ADCY9: variants seen among roughly 807,000 people sequenced by gnomAD.
ADCY9 encodes the protein adenylate cyclase 9.
A neutral mutation model predicts 101.5 loss-of-function variants in ADCY9; 50 were observed. The observed-to-expected ratio is 0.49, with a 90% CI of 0.39 to 0.62. ADCY9 has a LOEUF of 0.62. Ranked by LOEUF, ADCY9 falls within the 20% of genes least tolerant of loss-of-function variation. The probability of loss-of-function intolerance (pLI) is 0.00; values close to 1 mark genes in which losing one functional copy is unlikely to be tolerated. For missense variants in ADCY9, 1,662 were observed against 1,800.4 expected, an observed-to-expected ratio of 0.92 and a Z score of 1.39; for synonymous variants, 905 against 769.3, an observed-to-expected ratio of 1.18 and a Z score of -2.92.
In ADCY9 at chr16:3,975,404, T is replaced by C. The variant is rs145136509; in HGVS notation, c.2829-694A>G. 3.3e-5 allele frequency among the ~76,000 whole-genome samples: 5 copies of C among 152,312 alleles called. No individual in the cohort carries two copies. The East Asian group carries it at 9.6e-4, about 29-fold the overall frequency. ...TTAAATGTCTTTTGTATTGTGATTCTTTTCTTAAGTAAACTGAGGACGGAT... is the reference window on the plus strand; with the variant it reads ...TTAAATGTCTTTTGTATTGTGATTCCTTTCTTAAGTAAACTGAGGACGGAT... On this transcript the variant is annotated intron_variant, in intron 9 of 10. Transcript: ENST00000294016.
rs145252548 is a variant in ADCY9 at position 3,979,165 on chromosome 16, G to A, written c.2630C>T (p.Ala877Val). ...CIGAILVSLP[A>V]LAVYSHVTSE... ...GGTGACATGGGAGTAGACGGCCAGT[G>A]CGGGAAGCGACACCAGGATGGCCCC... Residue 877 changes from alanine to valine, a missense_variant, in exon 8 of 11, where the codon GCA (alanine) becomes GTA (valine). By Grantham distance (64) the Ala-to-Val change is moderately conservative. Around this residue, in one of 5 missense-constraint regions of ADCY9, gnomAD observed 624 missense variants for 639.1 expected, o/e 0.98. Coordinates refer to ENST00000294016, the MANE Select transcript of ADCY9 (RefSeq NM_001116.4). The A allele has an allele frequency of 5.6e-6, 9 of 1,614,098 alleles. No individual in the cohort carries two copies. The highest frequency in any genetic ancestry group is 7.6e-6 in the Non-Finnish European group (9 of 1,180,050).
chr16:4,071,913 C>G (rs12599912), intron 2 of ADCY9, among the ~76,000 whole-genome samples: 88,995 of 151,386 alleles, frequency 0.59, 26,373 homozygotes, highest in South Asian at 0.68. Flanking sequence ...CGGGTTCAAG[C>G]GATTCTCGCG....
chr16:4,102,911 G>A (rs527659439), intron 2 of ADCY9, among the ~76,000 whole-genome samples: 5 of 151,954 alleles, frequency 3.3e-5, no homozygotes, highest in East Asian at 1.9e-4. Flanking sequence ...TAGGAGAGAC[G>A]GAGCTTCACC....
chr16:3,955,607 G>A (rs1229785493), intron 5 of ADCY9, among the ~76,000 whole-genome samples: 4 of 151,952 alleles, frequency 2.6e-5, no homozygotes, highest in African/African-American at 4.8e-5. Flanking sequence ...GCAGTGGCGC[G>A]ATCTCAGGGC....
intron 2 of ADCY9, among the ~76,000 whole-genome samples, chr16:4,070,494 G>C (rs527910846): frequency 6.6e-6 from 1 of 152,242 alleles, no homozygotes; most frequent in African/African-American, 2.4e-5. Flanking sequence ...GTTATTTTTA[G>C]AAACCTGGAA....
In ADCY9 at chr16:3,993,203, C is replaced by T. The variant is rs141262128; in HGVS notation, c.1989+203G>A. ...AATCCCGCCCAGCTCAGCCCCTGAG[C>T]GCTGGTTTCCACGTGGGTTGCTGCT... is the stretch of plus-strand genomic sequence containing the variant. On this transcript the variant is annotated intron_variant, in intron 4 of 10. Transcript: ENST00000294016. 1,493 of 826,274 alleles carry T rather than the reference C, an allele frequency of 1.8e-3. 17 individuals carry two copies. The African/African-American group carries it at 0.022, about 12-fold the overall frequency. The allele number at this position is 826,274 out of a possible 1,614,324, so 51.2% of individuals were successfully genotyped here. A position where few individuals can be genotyped will look rare whatever the true frequency, so the allele number is the denominator to read the frequency against.
Position 4,115,529 on chromosome 16 carries a change from A to T in ADCY9, c.-43-44T>A, listed in dbSNP as rs1240676376. 2.1e-6 allele frequency: 3 copies of T among 1,426,886 alleles called. No individual in the cohort carries two copies. In the African/African-American group the frequency reaches 4.3e-5, roughly 21 times the overall value. The allele number at this position is 1,426,886 out of a possible 1,614,324, so 88.4% of individuals were successfully genotyped here. On this transcript the variant is annotated intron_variant, in intron 1 of 10. Transcript: ENST00000294016. The surrounding 1 kb of genome is among the most constrained non-coding windows in gnomAD (Gnocchi z 6.2). ...GAGTTAGCGGCGCTCCCACCTAGGCATGCACGCCTAGAGGCCCGGGACCTG... is the reference window on the plus strand; with the variant it reads ...GAGTTAGCGGCGCTCCCACCTAGGCTTGCACGCCTAGAGGCCCGGGACCTG...
Position 4,115,700 on chromosome 16 carries a change from C to A in ADCY9, c.-54G>T, listed in dbSNP as rs867967571. The A allele has an allele frequency of 8.1e-5, 35 of 429,588 alleles. No individual in the cohort carries two copies. The highest frequency in any genetic ancestry group is 5.5e-4 in the African/African-American group (27 of 49,272). The allele number at this position is 429,588 out of a possible 1,614,324, so 26.6% of individuals were successfully genotyped here. On this transcript the variant is annotated 5_prime_UTR_variant, in exon 1 of 11. Coordinates refer to ENST00000294016, the MANE Select transcript of ADCY9 (RefSeq NM_001116.4). The surrounding 1 kb of genome is among the most constrained non-coding windows in gnomAD (Gnocchi z 6.2). The stretch of plus-strand genomic sequence containing the variant: ...CCGCTCGGGACGGACCTAGAACGCC[C>A]GGGGGTCCCCGCCGCGTGGCCGCCG...
Position 3,976,412 on chromosome 16 carries a change from T to A in ADCY9, c.2828+1070A>T, listed in dbSNP as rs184832472. ...TATAGCACCTATCACTGCCATCCTG[T>A]AAGTTTTTACATTTTTTGTAGTACA... is the stretch of plus-strand genomic sequence containing the variant. On this transcript the variant is annotated intron_variant, in intron 9 of 10. Coordinates refer to ENST00000294016, the MANE Select transcript of ADCY9 (RefSeq NM_001116.4). Among the ~76,000 whole-genome samples the A allele has an allele frequency of 1.1e-4, 17 of 152,302 alleles. 1 individual carries two copies. In the East Asian group the frequency reaches 3.1e-3, roughly 28 times the overall value.
At position 4,114,183 on chromosome 16, in the gene ADCY9, G is replaced by A. The variant is rs1397297690; in HGVS notation, c.1260C>T (p.Asn420=). ...KSAHALVGLL[N]DLFGRFDRLC... is the part of the protein sequence containing the mutation. ...GGCGGTCGAAGCGACCGAACAGATC[G>A]TTCAGGAGACCCACCAGGGCGTGGG... is the stretch of plus-strand genomic sequence containing the variant. Residue 420 remains asparagine, a synonymous_variant, in exon 2 of 11, where the codon AAC becomes AAT. Transcript: ENST00000294016. The surrounding 1 kb of genome is among the most constrained non-coding windows in gnomAD (Gnocchi z 4.3). 4.3e-6 allele frequency: 7 copies of A among 1,613,932 alleles called. No homozygotes were observed. The highest frequency in any genetic ancestry group is 5.9e-6 in the Non-Finnish European group (7 of 1,180,028).
chr16:4,074,363 T>A (rs925122540), intron 2 of ADCY9, among the ~76,000 whole-genome samples: 1 of 151,528 alleles, frequency 6.6e-6, no homozygotes, highest in African/African-American at 2.4e-5. Context: ...AAAAAATATA[T>A]AAGAAATAAA....
intron 6 of ADCY9, chr16:3,984,173 G>C (rs2056170692): frequency 6.6e-6 from 1 of 152,290 alleles, no homozygotes; most frequent in Non-Finnish European, 1.5e-5. Flanking sequence ...TGCAAGATGA[G>C]TTACTGACTG....
intron 10 of ADCY9, among the ~76,000 whole-genome samples, chr16:3,972,490 C>T (rs2056061209): frequency 6.6e-6 from 1 of 152,164 alleles, no homozygotes; most frequent in Non-Finnish European, 1.5e-5. Flanking sequence ...GCCTCAGCCT[C>T]CCAAAGTGTT....
intron 2 of ADCY9, among the ~76,000 whole-genome samples, chr16:4,043,591 G>A (rs936439209): frequency 2.6e-5 from 4 of 152,042 alleles, no homozygotes; most frequent in East Asian, 1.9e-4. Context: ...TTGGGAGGCC[G>A]AGGCAGGAGA....
intron 2 of ADCY9, among the ~76,000 whole-genome samples, chr16:4,032,547 T>G (rs930917389): frequency 6.6e-6 from 1 of 151,120 alleles, no homozygotes; most frequent in African/African-American, 2.4e-5. Context: ...TTTGCTCTTG[T>G]TGCCCAGGCT....
intron 5 of ADCY9, among the ~76,000 whole-genome samples, chr16:3,956,693 C>T (rs1024828756): frequency 4.7e-5 from 7 of 150,374 alleles, no homozygotes; most frequent in Non-Finnish European, 1.0e-4. Context: ...CTGGATTTCA[C>T]CATGTTGGCC....
At chr16:3,995,934 T>C (rs759401798) in intron 3 of ADCY9, among the ~76,000 whole-genome samples, 3 of 152,166 alleles carry the variant, frequency 2.0e-5, no homozygotes, top group Non-Finnish European at 4.4e-5. Flanking sequence ...GAGCAAATAA[T>C]GGCATCTAGA....
At chr16:4,085,145 T>C (rs1347377936) in intron 2 of ADCY9, among the ~76,000 whole-genome samples, 2 of 152,076 alleles carry the variant, frequency 1.3e-5, no homozygotes, top group Non-Finnish European at 2.9e-5. Flanking sequence ...GCAGATCGCT[T>C]GAGGTCAGGA....
chr16:4,052,285 C>T (rs920559850), intron 2 of ADCY9, among the ~76,000 whole-genome samples: 2 of 152,208 alleles, frequency 1.3e-5, no homozygotes, highest in African/African-American at 2.4e-5. Flanking sequence ...TGGTCCTGGG[C>T]GGGCTCCGGG....
Sources: allele counts gnomAD v4.1 joint callset (sites outside exome capture counted in the v4.1 genomes callset), GRCh38; gene constraint gnomAD v4.1.1; regional missense constraint gnomAD v4.1.1; non-coding constraint Gnocchi (gnomAD v3.1); transcripts MANE v1.5; gene names NCBI Gene and HGNC (gene_info 2026-07-23, HGNC 2026-07-21).